NALF1: variants seen among roughly 807,000 people sequenced by gnomAD.
The protein encoded by NALF1 is NALCN channel auxiliary factor 1.
A neutral mutation model predicts 48.4 loss-of-function variants in NALF1; 3 were observed. The ratio of observed to expected loss-of-function variants is 0.06; its 90% CI spans 0.03 to 0.16. NALF1 has a LOEUF of 0.16. NALF1 is among the 10% of genes least tolerant of loss of function. NALF1 has a pLI of 1.00. For synonymous variants in NALF1, 262 were observed against 245.7 expected, an observed-to-expected ratio of 1.07 and a Z score of -0.62; for missense variants, 526 against 571.5, an observed-to-expected ratio of 0.92 and a Z score of 0.81.
chr13:107,284,665 G>C (rs1881456867), intron 1 of NALF1, among the ~76,000 whole-genome samples: 1 of 152,138 alleles, frequency 6.6e-6, no homozygotes, highest in African/African-American at 2.4e-5. Context: ...TTTAGATGCG[G>C]TCATAAAGGT....
intron 2 of NALF1, among the ~76,000 whole-genome samples, chr13:107,199,234 G>A (rs1307917313): frequency 6.6e-6 from 1 of 152,168 alleles, no homozygotes; most frequent in African/African-American, 2.4e-5. Context: ...CTGGCATGGA[G>A]GCAAGACCAT....
chr13:107,458,652 G>A (rs1040213211), intron 1 of NALF1, among the ~76,000 whole-genome samples: 16 of 152,024 alleles, frequency 1.1e-4, no homozygotes, highest in African/African-American at 2.4e-4. Flanking sequence ...CACCACCACT[G>A]GGAAAATCAT....
chr13:107,456,578 C>T (rs989831228), intron 1 of NALF1, among the ~76,000 whole-genome samples: 8 of 152,144 alleles, frequency 5.3e-5, no homozygotes, highest in African/African-American at 1.9e-4. Context: ...GAAAACTTTC[C>T]CACCCTTTGT....
intron 1 of NALF1, among the ~76,000 whole-genome samples, chr13:107,352,704 G>A (rs1322599829): frequency 6.6e-6 from 1 of 152,172 alleles, no homozygotes; most frequent in Non-Finnish European, 1.5e-5. Flanking sequence ...GGCTTGGAAA[G>A]CAATACCTCA....
At chr13:107,692,343 A>G (rs970095447) in intron 1 of NALF1, among the ~76,000 whole-genome samples, 1 of 152,144 alleles carries the variant, frequency 6.6e-6, no homozygotes, top group African/African-American at 2.4e-5. Flanking sequence ...AGTTTTTGAA[A>G]TATTAGTTCT....
intron 1 of NALF1, among the ~76,000 whole-genome samples, chr13:107,701,343 G>A (rs925974521): frequency 2.6e-5 from 4 of 152,074 alleles, no homozygotes; most frequent in Non-Finnish European, 5.9e-5. Context: ...CACATGACTG[G>A]ACCTAGAAGA....
At chr13:107,249,465 G>A (rs146427696) in intron 1 of NALF1, among the ~76,000 whole-genome samples, 3 of 152,208 alleles carry the variant, frequency 2.0e-5, no homozygotes, top group African/African-American at 7.2e-5. Flanking sequence ...ACGAAGTGAT[G>A]TTTTTATTCT....
chr13:107,427,138 T>A (rs993982110), intron 1 of NALF1, among the ~76,000 whole-genome samples: 8 of 151,748 alleles, frequency 5.3e-5, no homozygotes, highest in Non-Finnish European at 2.9e-5. Flanking sequence ...CTTATAATTT[T>A]AAAAAATAGG....
chr13:107,734,840 T>C (rs1876421090), intron 1 of NALF1, among the ~76,000 whole-genome samples: 1 of 152,120 alleles, frequency 6.6e-6, no homozygotes, highest in Non-Finnish European at 1.5e-5. Context: ...GTATGAGTAA[T>C]ACTGTATTAG....
chr13:107,286,229 C>T (rs891565866), intron 1 of NALF1, among the ~76,000 whole-genome samples: 1 of 152,060 alleles, frequency 6.6e-6, no homozygotes, highest in African/African-American at 2.4e-5. Context: ...AAAGAATTAC[C>T]ACGTGACCCT....
At chr13:107,184,181 TA>T (rs35875309) in intron 2 of NALF1, among the ~76,000 whole-genome samples, 63,426 of 145,384 alleles carry the variant, frequency 0.44, 14,466 homozygotes, top group South Asian at 0.52. Context: ...AAAAGTGTAA[TA>T]AAAAAAAAAA....
At chr13:107,699,287 C>T (rs966063161) in intron 1 of NALF1, among the ~76,000 whole-genome samples, 8 of 151,932 alleles carry the variant, frequency 5.3e-5, no homozygotes, top group Non-Finnish European at 1.2e-4. Flanking sequence ...AAGAGAGACA[C>T]TACTTGGAAA....
chr13:107,701,017 C>T (rs1026915537), intron 1 of NALF1, among the ~76,000 whole-genome samples: 8 of 152,020 alleles, frequency 5.3e-5, no homozygotes, highest in African/African-American at 1.9e-4. Context: ...AAAAGAGAAC[C>T]CCAGGACACT....
chr13:107,586,640 T>TTTTTTTTTTTTTTTTTTTTTTTTTTC (rs1878466968), intron 1 of NALF1, among the ~76,000 whole-genome samples: 1 of 140,184 alleles, frequency 7.1e-6, no homozygotes, highest in South Asian at 2.3e-4. Context: ...TGGAGATTTT[T>TTTTTTTTTTTTTTTTTTTTTTTTTTC]TTTTTTTTTG....
intron 1 of NALF1, among the ~76,000 whole-genome samples, chr13:107,712,331 C>T (rs376904261): frequency 3.4e-4 from 52 of 152,104 alleles, no homozygotes; most frequent in African/African-American, 1.2e-3. Context: ...GAAAGGATTA[C>T]AAAACAGGAA....
At chr13:107,474,887 T>C (rs2139055618) in intron 1 of NALF1, among the ~76,000 whole-genome samples, 1 of 152,284 alleles carries the variant, frequency 6.6e-6, no homozygotes, top group East Asian at 1.9e-4. Flanking sequence ...CAAATATTGG[T>C]CATATGCTTT....
intron 1 of NALF1, among the ~76,000 whole-genome samples, chr13:107,412,202 A>T (rs1884004479): frequency 6.6e-6 from 1 of 152,192 alleles, no homozygotes; most frequent in South Asian, 2.1e-4. Flanking sequence ...TCTCTGAAAA[A>T]ACAATAATCA....
At chr13:107,347,619 G>C (rs116900426) in intron 1 of NALF1, among the ~76,000 whole-genome samples, 4 of 152,160 alleles carry the variant, frequency 2.6e-5, no homozygotes, top group African/African-American at 7.2e-5. Context: ...ATGCCCAACT[G>C]TGAATCGATG....
intron 1 of NALF1, among the ~76,000 whole-genome samples, chr13:107,638,087 G>A (rs1880034025): frequency 6.6e-6 from 1 of 150,558 alleles, no homozygotes; most frequent in Non-Finnish European, 1.5e-5. Flanking sequence ...ATCTAAAAAC[G>A]ACATCATCTG....
Sources: allele counts gnomAD v4.1 joint callset (sites outside exome capture counted in the v4.1 genomes callset), GRCh38; gene constraint gnomAD v4.1.1; transcripts MANE v1.5; gene names NCBI Gene and HGNC (gene_info 2026-07-23, HGNC 2026-07-21).